DLC1: variants seen among roughly 807,000 people sequenced by gnomAD.
DLC1 encodes the protein rho GTPase-activating protein 7.
Under a neutral mutation model 140.3 loss-of-function variants are expected in DLC1, and 54 were observed. The ratio of observed to expected loss-of-function variants is 0.38; its 90% CI spans 0.31 to 0.48. The LOEUF (loss-of-function observed/expected upper bound fraction) is 0.48. Ranked by LOEUF, DLC1 falls within the 20% of genes least tolerant of loss-of-function variation. The pLI is 0.96. For missense variants in DLC1, 2,536 were observed against 1,907.0 expected, an observed-to-expected ratio of 1.33 and a Z score of -6.14; for synonymous variants, 986 against 728.1, an observed-to-expected ratio of 1.35 and a Z score of -5.70.
rs191573553 is a variant in DLC1, at chr8:13,599,835, A to G, written c.-126+4702T>C. ...CAGCAATTCTTAAGAAAGAAAAAAC[A>G]TAAAAATTTTTATATGATAACTAAC... is the stretch of plus-strand genomic sequence containing the variant. On this transcript the variant is annotated intron_variant, in intron 1 of 1. Transcript: ENST00000631382. Among the ~76,000 whole-genome samples the G allele has an allele frequency of 6.8e-3, 1,031 of 152,114 alleles. 11 individuals are homozygous for G. Among genetic ancestry groups the G allele is most frequent in the African/African-American group, 0.024 (985 of 41,542 alleles).
chr8:13,270,679 T>TTCTCTCCAGAGATACAGAAATCTA (rs1402367746), intron 5 of DLC1, among the ~76,000 whole-genome samples: 1 of 152,228 alleles, frequency 6.6e-6, no homozygotes, highest in Non-Finnish European at 1.5e-5. Flanking sequence ...CCTTCTTTGT[T>TTCTCTCCAGAGATACAGAAATCTA]TCTCTCCAGA....
At chr8:13,374,647 G>A (rs1835885492) in intron 4 of DLC1, among the ~76,000 whole-genome samples, 1 of 152,132 alleles carries the variant, frequency 6.6e-6, no homozygotes, top group South Asian at 2.1e-4. Context: ...GTCAGGAGTG[G>A]TAGTATGCGC....
At chr8:13,299,109 T>C (rs900251036) in intron 5 of DLC1, among the ~76,000 whole-genome samples, 9 of 151,764 alleles carry the variant, frequency 5.9e-5, no homozygotes, top group African/African-American at 2.2e-4. Context: ...ATATTTCTTC[T>C]CCATGGGATT....
intron 5 of DLC1, among the ~76,000 whole-genome samples, chr8:13,215,889 A>G (rs1828177086): frequency 6.6e-6 from 1 of 152,170 alleles, no homozygotes; most frequent in African/African-American, 2.4e-5. Context: ...ACAAAAGGCT[A>G]CAACTCGTCT....
At chr8:13,598,654 C>A (rs1015321492) in intron 1 of DLC1, among the ~76,000 whole-genome samples, 2 of 151,966 alleles carry the variant, frequency 1.3e-5, no homozygotes, top group African/African-American at 4.8e-5. Flanking sequence ...ACTATTTTTT[C>A]TTACATAACT....
chr8:13,366,423 C>A (rs532063902), intron 4 of DLC1, among the ~76,000 whole-genome samples: 22 of 152,196 alleles, frequency 1.4e-4, no homozygotes, highest in African/African-American at 5.3e-4. Flanking sequence ...TCTTTGTGGG[C>A]ACATGGTAGG....
intron 5 of DLC1, among the ~76,000 whole-genome samples, chr8:13,288,627 C>A (rs147895471): frequency 1.8e-4 from 27 of 152,334 alleles, no homozygotes; most frequent in African/African-American, 6.3e-4. Flanking sequence ...GCTTATCTTG[C>A]TCAGCAGGCT....
At chr8:13,350,997 G>T (rs987750998) in intron 4 of DLC1, among the ~76,000 whole-genome samples, 4 of 152,162 alleles carry the variant, frequency 2.6e-5, no homozygotes, top group Non-Finnish European at 5.9e-5. Context: ...GTAGACTTTT[G>T]ATACAGATGC....
chr8:13,115,452 A>G, intron 6 of DLC1, 134 bp downstream of exon 6: 1 of 864,172 alleles, frequency 1.2e-6, no homozygotes, highest in Non-Finnish European at 1.7e-6. Context: ...GGGGTCTTGC[A>G]TGCTTACAAC....
intron 4 of DLC1, among the ~76,000 whole-genome samples, chr8:13,385,596 T>G (rs1156833167): frequency 2.6e-5 from 4 of 152,238 alleles, no homozygotes; most frequent in African/African-American, 4.8e-5. Context: ...ACAATTCCTT[T>G]ACTTTCAGAT....
chr8:13,281,007 C>T (rs1202374484), intron 5 of DLC1, among the ~76,000 whole-genome samples: 1 of 152,210 alleles, frequency 6.6e-6, no homozygotes, highest in Non-Finnish European at 1.5e-5. Context: ...AGAAGATCTT[C>T]TCCACTGTGT....
At chr8:13,156,023 C>T (rs887458546) in intron 5 of DLC1, among the ~76,000 whole-genome samples, 11 of 152,090 alleles carry the variant, frequency 7.2e-5, no homozygotes, top group African/African-American at 2.4e-4. Flanking sequence ...CCCTCATTTG[C>T]CAACTTAAAA....
intron 1 of DLC1, among the ~76,000 whole-genome samples, chr8:13,600,198 G>A (rs1805828336): frequency 6.6e-6 from 1 of 151,866 alleles, no homozygotes; most frequent in South Asian, 2.1e-4. Flanking sequence ...CTTGATTTAA[G>A]CTAGTGCACT....
rs139502252 is a variant in DLC1 at position 13,330,734 on chromosome 8, T to C, written c.1315-25432A>G. On this transcript the variant is annotated intron_variant, in intron 4 of 17. Coordinates refer to ENST00000276297, the MANE Select transcript of DLC1 (RefSeq NM_182643.3). ...GACCAGGGGTTAGGATTACTACATC[T>C]GTCTTTCCTCACTACCTTCCTTTTG... Among the ~76,000 whole-genome samples, 361 of 152,338 alleles carry C rather than the reference T, an allele frequency of 2.4e-3. 1 individual carries two copies. Among genetic ancestry groups the C allele is most frequent in the African/African-American group, 8.5e-3 (352 of 41,580 alleles).
intron 2 of DLC1, among the ~76,000 whole-genome samples, chr8:13,421,134 C>T (rs1396204936): frequency 6.6e-6 from 1 of 152,050 alleles, no homozygotes; most frequent in Non-Finnish European, 1.5e-5. Flanking sequence ...TTAAGTTTTC[C>T]AAAACTCGAT....
chr8:13,369,572 T>C (rs1342771100), intron 4 of DLC1, among the ~76,000 whole-genome samples: 1 of 152,174 alleles, frequency 6.6e-6, no homozygotes, highest in Non-Finnish European at 1.5e-5. Flanking sequence ...GCAGAAGCCC[T>C]GAAGTCATCC....
chr8:13,382,653 A>G (rs1477792438), intron 4 of DLC1, among the ~76,000 whole-genome samples: 1 of 152,170 alleles, frequency 6.6e-6, no homozygotes, highest in East Asian at 1.9e-4. Context: ...TACTACAATA[A>G]AGAAACAATG....
intron 1 of DLC1, among the ~76,000 whole-genome samples, chr8:13,586,162 G>T (rs757482286): frequency 1.3e-5 from 2 of 152,108 alleles, no homozygotes; most frequent in Admixed American, 6.5e-5. Context: ...TTGTATAAAA[G>T]CTTCTCAAGT....
chr8:13,246,594 T>C (rs1284058119), intron 5 of DLC1, among the ~76,000 whole-genome samples: 2 of 152,138 alleles, frequency 1.3e-5, no homozygotes, highest in Non-Finnish European at 2.9e-5. Context: ...CAGCAATTCA[T>C]ATCAATGCAG....
Sources: gnomAD v4.1 joint callset for allele counts (sites outside exome capture counted in the v4.1 genomes callset) on GRCh38, gnomAD v4.1.1 for gene constraint, MANE v1.5 for transcripts, NCBI Gene and HGNC (gene_info 2026-07-23, HGNC 2026-07-21) for gene names.